The following CRISP1 variants were observed in gnomAD, a reference collection of about 807,000 sequenced individuals.
CRISP1 encodes cysteine rich secretory protein 1, also known as cysteine-rich secretory protein 1.
A neutral mutation model predicts 33.1 loss-of-function variants in CRISP1; 44 were observed. The observed-to-expected ratio is 1.33, with a 90% CI of 1.05 to 1.71. The LOEUF is 1.71. Among genes scored for constraint, CRISP1 ranks in the 40% most tolerant of loss-of-function variants. The pLI is 0.00. For synonymous variants in CRISP1, 103 were observed against 98.7 expected (o/e 1.04, Z -0.26); for missense variants, 390 against 301.2 (o/e 1.29, Z -2.18).
intron 1 of CRISP1, among the ~76,000 whole-genome samples, chr6:49,872,384 T>A (rs1210665474): frequency 2.0e-5 from 3 of 152,142 alleles, no homozygotes; most frequent in Non-Finnish European, 4.4e-5. Context: ...TCTTTTGCTG[T>A]GCAGAAGCTC....
At chr6:49,854,778 A>G (rs939578325) in intron 2 of CRISP1, among the ~76,000 whole-genome samples, 1 of 152,070 alleles carries the variant, frequency 6.6e-6, no homozygotes, top group African/African-American at 2.4e-5. Context: ...GCATTAGGCA[A>G]TGTCTGGGGA....
At chr6:49,842,385 A>T (rs1168250713) in intron 5 of CRISP1, among the ~76,000 whole-genome samples, 7 of 152,188 alleles carry the variant, frequency 4.6e-5, no homozygotes, top group Non-Finnish European at 7.3e-5. Context: ...TGGTAATAAG[A>T]TTATTGAACT....
chr6:49,851,666 G>A (rs1028922552), intron 3 of CRISP1, among the ~76,000 whole-genome samples: 11 of 152,142 alleles, frequency 7.2e-5, no homozygotes, highest in African/African-American at 2.2e-4. Flanking sequence ...GTGGTCTCCA[G>A]GTCAGACCTC....
chr6:49,860,633 A>G (rs1489159643), intron 1 of CRISP1, among the ~76,000 whole-genome samples: 1 of 152,152 alleles, frequency 6.6e-6, no homozygotes, highest in African/African-American at 2.4e-5. Context: ...GCTAAAAGGC[A>G]AGTTTATACT....
At chr6:49,837,733 C>T (rs1194945422) in intron 7 of CRISP1, among the ~76,000 whole-genome samples, 2 of 152,052 alleles carry the variant, frequency 1.3e-5, no homozygotes, top group African/African-American at 4.8e-5. Context: ...TTTTTCTCCA[C>T]AGACTTATTA....
chr6:49,847,675 G>A (rs530175097), intron 4 of CRISP1, among the ~76,000 whole-genome samples: 22 of 142,036 alleles, frequency 1.5e-4, no homozygotes, highest in African/African-American at 4.6e-4. Flanking sequence ...CAAAAACAGC[G>A]TAACACAGAA....
chr6:49,837,114 T>G (rs1770825576), intron 7 of CRISP1, among the ~76,000 whole-genome samples: 2 of 152,088 alleles, frequency 1.3e-5, no homozygotes, highest in South Asian at 4.1e-4. Flanking sequence ...TTTTATAAAT[T>G]TTATTTGAAT....
chr6:49,873,181 A>T (rs1475693394), intron 1 of CRISP1, among the ~76,000 whole-genome samples: 1 of 151,980 alleles, frequency 6.6e-6, no homozygotes, highest in East Asian at 1.9e-4. Context: ...AAATAAAAAT[A>T]AAAAAATAAA....
In CRISP1 at chr6:49,857,386, G is replaced by C. The variant is rs775294325; in HGVS notation, c.15C>G (p.His5Gln). MEIK[H>Q]LLFLVAAACL... ...AAGCAGCAGCAACCAAAAACAAGAG[G>C]TGTTTAATTTCCATCCCTGAAAGAA... The change falls in exon 2 of 8, where the codon CAC (histidine) becomes CAG (glutamine). Residue 5 changes from histidine to glutamine, a missense_variant. By Grantham distance (24) the His-to-Gln change is conservative. Transcript: ENST00000335847. 6.2e-7 allele frequency: 1 copy of C among 1,612,696 alleles called. No individual in the cohort carries two copies. The highest frequency in any genetic ancestry group is 1.3e-5 in the African/African-American group (1 of 74,980).
intron 1 of CRISP1, among the ~76,000 whole-genome samples, chr6:49,875,880 T>G (rs2127480702): frequency 6.6e-6 from 1 of 152,092 alleles, no homozygotes; most frequent in South Asian, 2.1e-4. Flanking sequence ...TCCTTACACC[T>G]TATACAAAAA....
intron 2 of CRISP1, among the ~76,000 whole-genome samples, chr6:49,857,023 C>T (rs958336568): frequency 6.6e-6 from 1 of 151,788 alleles, no homozygotes; most frequent in African/African-American, 2.4e-5. Context: ...AGTTTTTTTC[C>T]TGTGTTATTC....
intron 1 of CRISP1, among the ~76,000 whole-genome samples, chr6:49,874,333 G>T (rs752432565): frequency 3.3e-5 from 5 of 151,972 alleles, no homozygotes; most frequent in Non-Finnish European, 7.4e-5. Context: ...AGACCCAATT[G>T]ATTTCAGATA....
In CRISP1 at chr6:49,848,230, G is replaced by C; in HGVS notation, c.265C>G (p.Pro89Ala). ...TTACTTGGAAGTCTCCTCTCAAGGG[G>C]GTTGCTCTCTGTCATATCACAATAC... ...SKYCDMTESN[P>A]LERRLPNTFC... The change falls in exon 4 of 8, where the codon CCC (proline) becomes GCC (alanine). Residue 89 changes from proline to alanine, a missense_variant. Physicochemically the swap from Pro to Ala is conservative, Grantham distance 27. Coordinates refer to ENST00000335847, the MANE Select transcript of CRISP1 (RefSeq NM_001131.3). 2 of 1,601,230 alleles carry C rather than the reference G, an allele frequency of 1.2e-6. No homozygotes were observed. Among genetic ancestry groups the C allele is most frequent in the Non-Finnish European group, 8.5e-7 (1 of 1,174,684 alleles).
At chr6:49,869,354 C>G (rs562134317), upstream of CRISP1, among the ~76,000 whole-genome samples, 1 of 152,288 alleles carries the variant, frequency 6.6e-6, no homozygotes, top group African/African-American at 2.4e-5. Flanking sequence ...CAGTCACCTA[C>G]CCCTGAGCAA....
intron 1 of CRISP1, 25 bp from the exon 2 acceptor site, chr6:49,857,427 A>G (rs1441494756): frequency 1.3e-6 from 2 of 1,597,394 alleles, no homozygotes; most frequent in African/African-American, 2.7e-5. Context: ...ACACAATTTT[A>G]GATTATTCTC....
At chr6:49,850,879 C>T (rs1771325293) in intron 3 of CRISP1, among the ~76,000 whole-genome samples, 1 of 152,250 alleles carries the variant, frequency 6.6e-6, no homozygotes, top group South Asian at 2.1e-4. Context: ...CTCTACTTCT[C>T]CAGCTCCTCA....
At chr6:49,869,254 T>A (rs184559925), upstream of CRISP1, among the ~76,000 whole-genome samples, 2 of 152,282 alleles carry the variant, frequency 1.3e-5, no homozygotes, top group African/African-American at 2.4e-5. Context: ...CTTATATGAC[T>A]TGCAAGTTGG....
chr6:49,843,564 C>T (rs1306736332), intron 5 of CRISP1, among the ~76,000 whole-genome samples: 3 of 152,122 alleles, frequency 2.0e-5, no homozygotes, highest in African/African-American at 7.2e-5. Context: ...GACTTCCAGC[C>T]TTTGTGAATT....
upstream of CRISP1, among the ~76,000 whole-genome samples, chr6:49,868,900 A>T (rs1490533870): frequency 6.6e-6 from 1 of 152,196 alleles, no homozygotes; most frequent in African/African-American, 2.4e-5. Flanking sequence ...AGCCAAAGTC[A>T]GTTTCTGAAT....
Sources: allele counts gnomAD v4.1 joint callset (sites outside exome capture counted in the v4.1 genomes callset), GRCh38; gene constraint gnomAD v4.1.1; transcripts MANE v1.5; gene names NCBI Gene and HGNC (gene_info 2026-07-23, HGNC 2026-07-21).